Variants in BTN1A1 observed in about 807,000 individuals in gnomAD.
The protein encoded by BTN1A1 is bK14H9.2 (butyrophilin, subfamily 1, member A1).
In BTN1A1, 26 loss-of-function variants were observed where a neutral mutation model predicts 33.1. The ratio of observed to expected loss-of-function variants is 0.79; its 90% CI spans 0.58 to 1.09. The LOEUF is 1.09. BTN1A1 is among the 50% of genes least tolerant of loss of function. The probability of loss-of-function intolerance (pLI) is 0.00; values close to 1 mark genes in which losing one functional copy is unlikely to be tolerated. For missense variants in BTN1A1, 558 were observed against 655.7 expected, an observed-to-expected ratio of 0.85 and a Z score of 1.63; for synonymous variants, 235 against 256.2, an observed-to-expected ratio of 0.92 and a Z score of 0.79.
At chr6:26,507,352 G>C (rs1048966315) in intron 5 of BTN1A1, among the ~76,000 whole-genome samples, 3 of 152,172 alleles carry the variant, frequency 2.0e-5, no homozygotes, top group African/African-American at 7.2e-5. Context: ...CAAGATATCA[G>C]GGCTGATGTT....
In BTN1A1 at chr6:26,505,136, G is replaced by GA; in HGVS notation, c.644dup (p.Asn215LysfsTer68). The stretch of plus-strand genomic sequence containing the variant: ...CAGTGATCATCAGAGACACTTCTGC[G>GA]AAAAATGTGTCCTGCTACATCCAGA... On this transcript the variant is annotated frameshift_variant, in exon 4 of 8. Coordinates refer to ENST00000684113, the MANE Select transcript of BTN1A1 (RefSeq NM_001732.3). LOFTEE classifies it high-confidence loss of function. The GA allele has an allele frequency of 6.2e-7, 1 of 1,612,730 alleles. No homozygotes were observed. The highest frequency in any genetic ancestry group is 1.1e-5 in the South Asian group (1 of 90,824).
Position 26,501,290 on chromosome 6 carries a change from G to A in BTN1A1, c.4G>A (p.Ala2Thr), listed in dbSNP as rs771108444. The change falls in exon 2 of 8, where the codon GCA (alanine) becomes ACA (threonine). Residue 2 changes from alanine to threonine, a missense_variant. By Grantham distance (58) the Ala-to-Thr change is moderately conservative. Transcript: ENST00000684113. This position sits in a 1 kb window ranked among gnomAD's most constrained non-coding sequence, Gnocchi z 5.2. The part of the protein sequence containing the change: M[A>T]VFPSSGLPRC... ...TGCTGCTCCAGAAGGGTGGGAGATG[G>A]CAGTTTTCCCAAGCTCCGGTCTCCC... The A allele has an allele frequency of 1.2e-6, 2 of 1,613,954 alleles. No homozygotes were observed. The highest frequency in any genetic ancestry group is 1.7e-5 in the Admixed American group (1 of 60,010).
chr6:26,501,462 A>G lies in BTN1A1; in HGVS notation c.79+97A>G. The G allele has an allele frequency of 7.6e-6, 12 of 1,570,352 alleles. No individual in the cohort carries two copies. The highest frequency in any genetic ancestry group is 1.0e-5 in the Non-Finnish European group (12 of 1,142,942). On this transcript the variant is annotated intron_variant, in intron 2 of 7. Transcript: ENST00000684113. This position sits in a 1 kb window ranked among gnomAD's most constrained non-coding sequence, Gnocchi z 5.2. The stretch of plus-strand genomic sequence containing the variant: ...GGCTCTCCCTGGAGACCTCCACTGG[A>G]TCCAGACAAACTCAGCTGTCAAAGG...
Position 26,509,087 on chromosome 6 carries a change from C to A in BTN1A1, c.1494C>A (p.Ser498=). 1 of 1,614,052 alleles carries A rather than the reference C, an allele frequency of 6.2e-7. No homozygotes were observed. The highest frequency in any genetic ancestry group is 8.5e-7 in the Non-Finnish European group (1 of 1,179,944). Residue 498 remains serine (S), a synonymous_variant, in exon 8 of 8, where the codon TCC becomes TCA. Coordinates refer to ENST00000684113, the MANE Select transcript of BTN1A1 (RefSeq NM_001732.3). ...ACCTTTCTAAGGAGATCCCATTGTCCCCCATGGGGGAGGACTCTGCCCCTA... is the reference window on the plus strand; with the variant it reads ...ACCTTTCTAAGGAGATCCCATTGTCACCCATGGGGGAGGACTCTGCCCCTA... ...AQDLSKEIPL[S]PMGEDSAPRD... is the part of the protein sequence containing the mutation.
rs894792783 is a variant in BTN1A1, at chr6:26,501,758, A to T, written c.248A>T (p.Gln83Leu). The change falls in exon 3 of 8, where the codon CAG becomes CTG. Residue 83 changes from glutamine (Q) to leucine (L), a missense_variant. Coordinates refer to ENST00000684113, the MANE Select transcript of BTN1A1 (RefSeq NM_001732.3). The surrounding 1 kb of genome is among the most constrained non-coding windows in gnomAD (Gnocchi z 5.2). ...AVLVHRDGRE[Q>L]EAEQMPEYRG... ...CTGGTGCATAGGGACGGGCGCGAGC[A>T]GGAAGCCGAGCAGATGCCCGAGTAC... The T allele has an allele frequency of 6.2e-7, 1 of 1,613,732 alleles. No homozygotes were observed. Among genetic ancestry groups the T allele is most frequent in the Non-Finnish European group, 8.5e-7 (1 of 1,179,958 alleles).
chr6:26,510,307 G>A lies in BTN1A1; in HGVS notation c.*1133G>A, dbSNP rs1763925569. ...CTGAGCACTTTCCTTTACACATGTG[G>A]CTTGTCTTGCCAATAGACTCCAGGC... On this transcript the variant is annotated 3_prime_UTR_variant, in exon 8 of 8. Transcript: ENST00000684113. 1 of 152,322 alleles carries A rather than the reference G, an allele frequency of 6.6e-6. No individual in the cohort carries two copies. Among genetic ancestry groups the A allele is most frequent in the Non-Finnish European group, 1.5e-5 (1 of 68,100 alleles). The allele number at this position is 152,322 out of a possible 1,614,324, so 9.4% of individuals were successfully genotyped here. A position where few individuals can be genotyped will look rare whatever the true frequency, so the allele number is the denominator to read the frequency against.
intron 3 of BTN1A1, among the ~76,000 whole-genome samples, chr6:26,503,750 C>G (rs865939556): frequency 1.6e-4 from 25 of 151,574 alleles, no homozygotes; most frequent in South Asian, 1.2e-3. Context: ...ACAACAGGGT[C>G]CCCCAGTTGC....
At chr6:26,505,235 T>C in intron 4 of BTN1A1, 29 bp downstream of exon 4, 1 of 1,598,970 alleles carries the variant, frequency 6.3e-7, no homozygotes, top group Non-Finnish European at 8.6e-7. Flanking sequence ...GCTGGATTCC[T>C]ATGTTGACAC....
At chr6:26,505,271 C>T (rs1454137409) in intron 4 of BTN1A1, 65 bp downstream of exon 4, 44 of 1,498,200 alleles carry the variant, frequency 2.9e-5, no homozygotes, top group Admixed American at 8.6e-5. Context: ...CCACCTGGGA[C>T]ACCTGCCCAG....
chr6:26,501,630 C>G lies in BTN1A1; in HGVS notation c.120C>G (p.Ala40=). 6.2e-7 allele frequency: 1 copy of G among 1,613,924 alleles called. No individual in the cohort carries two copies. The highest frequency in any genetic ancestry group is 8.5e-7 in the Non-Finnish European group (1 of 1,179,980). ...TTGGACCCCCGGAGCCCATCCTGGC[C>G]GTTGTGGGTGAGGACGCCGAGCTGC... ...DVIGPPEPIL[A]VVGEDAELPC... The change falls in exon 3 of 8, where the codon GCC becomes GCG. Residue 40 remains alanine, a synonymous_variant. Transcript: ENST00000684113. This position sits in a 1 kb window ranked among gnomAD's most constrained non-coding sequence, Gnocchi z 5.2.
intron 3 of BTN1A1, 31 bp from the exon 4 acceptor site, chr6:26,504,894 A>G: frequency 6.2e-7 from 1 of 1,603,764 alleles, no homozygotes; most frequent in Non-Finnish European, 8.5e-7. Context: ...GGGGTCCGCT[A>G]AAACATTAAG....
rs1763805253 is a variant in BTN1A1, at chr6:26,501,873, G to A, written c.363G>A (p.Glu121=). Residue 121 remains glutamate, a synonymous_variant, in exon 3 of 8, where the codon GAG becomes GAA. Transcript: ENST00000684113. The surrounding 1 kb of genome is among the most constrained non-coding windows in gnomAD (Gnocchi z 5.2). ...GCGTCAGAGTCTCTGACGACGGGGAGTACACGTGCTTTTTCAGGGAGGATG... is the reference window on the plus strand; with the variant it reads ...GCGTCAGAGTCTCTGACGACGGGGAATACACGTGCTTTTTCAGGGAGGATG... ...IRGVRVSDDG[E]YTCFFREDGS... 1 of 1,605,956 alleles carries A rather than the reference G, an allele frequency of 6.2e-7. No individual in the cohort carries two copies. The highest frequency in any genetic ancestry group is 1.3e-5 in the African/African-American group (1 of 74,724).
rs903580105 is a variant in BTN1A1, at chr6:26,502,164, G to C, written c.427+227G>C. On this transcript the variant is annotated intron_variant, in intron 3 of 7. Transcript: ENST00000684113. ...TTTTAAAAGTATGAAAATACTTTTCGAGGAGGCAAAAGGCAGGATCAGCAA... is the reference window on the plus strand; with the variant it reads ...TTTTAAAAGTATGAAAATACTTTTCCAGGAGGCAAAAGGCAGGATCAGCAA... Among the ~76,000 whole-genome samples, 23 of 152,270 alleles carry C rather than the reference G, an allele frequency of 1.5e-4. 1 individual carries two copies. The Middle Eastern group carries it at 0.01, about 68-fold the overall frequency.
intron 7 of BTN1A1, 44 bp downstream of exon 7, chr6:26,508,131 C>T: frequency 6.4e-7 from 1 of 1,562,424 alleles, no homozygotes; most frequent in Non-Finnish European, 8.6e-7. Context: ...GCTCTATCCC[C>T]TAGGAATTCA....
rs1293680726 is a variant in BTN1A1 at position 26,509,959 on chromosome 6, A to C, written c.*785A>C. The C allele has an allele frequency of 6.6e-6, 1 of 152,258 alleles. No individual in the cohort carries two copies. Among genetic ancestry groups the C allele is most frequent in the African/African-American group, 2.4e-5 (1 of 41,426 alleles). 9.4% of individuals were successfully genotyped at this position (152,258 alleles called of 1,614,324 possible). On this transcript the variant is annotated 3_prime_UTR_variant, in exon 8 of 8. Coordinates refer to ENST00000684113, the MANE Select transcript of BTN1A1 (RefSeq NM_001732.3). ...TTGCCTGGAAGTCATTCCACCCTCA[A>C]TTTGTTGATCCACAAGTTTCCAGTT... is the stretch of plus-strand genomic sequence containing the variant.
intron 5 of BTN1A1, 108 bp from the exon 6 acceptor site, chr6:26,507,842 T>C: frequency 8.9e-7 from 1 of 1,122,316 alleles, no homozygotes; most frequent in Non-Finnish European, 1.3e-6. Flanking sequence ...AATATTCAAA[T>C]AGTCATGAAT....
In BTN1A1 at chr6:26,505,149, T is replaced by C. The variant is rs1763853134; in HGVS notation, c.652T>C (p.Cys218Arg). The C allele has an allele frequency of 6.2e-7, 1 of 1,613,988 alleles. No homozygotes were observed. The change falls in exon 4 of 8, where the codon TGC becomes CGC. Residue 218 changes from cysteine (C) to arginine (R), a missense_variant. By Grantham distance (180) the Cys-to-Arg change is radical. Transcript: ENST00000684113. ...IRDTSAKNVS[C>R]YIQNLLLGQE... ...AGACACTTCTGCGAAAAATGTGTCC[T>C]GCTACATCCAGAATCTCCTTCTTGG...
chr6:26,508,570 G>A lies in BTN1A1; in HGVS notation c.977G>A (p.Arg326Gln), dbSNP rs748609018. 6.8e-6 allele frequency: 11 copies of A among 1,614,032 alleles called. No individual in the cohort carries two copies. Among genetic ancestry groups the A allele is most frequent in the East Asian group, 2.2e-5 (1 of 44,892 alleles). ...LFLYEDSKSV[R>Q]LEDSRQKLPE... The stretch of plus-strand genomic sequence containing the variant: ...CTTTATGAGGATTCAAAATCTGTTC[G>A]ACTGGAAGATTCACGTCAGAAACTG... The change falls in exon 8 of 8, where the codon CGA (arginine) becomes CAA (glutamine). Residue 326 changes from arginine to glutamine, a missense_variant. Coordinates refer to ENST00000684113, the MANE Select transcript of BTN1A1 (RefSeq NM_001732.3).
rs1763912421 is a variant in BTN1A1, at chr6:26,509,142, A to G, written c.1549A>G (p.Ile517Val). 6.2e-7 allele frequency: 1 copy of G among 1,613,054 alleles called. No homozygotes were observed. Among genetic ancestry groups the G allele is most frequent in the South Asian group, 1.1e-5 (1 of 90,978 alleles). The part of the protein sequence containing the change: ...RDADTLHSKL[I>V]PTQPSQGAP Reference sequence around the variant, plus strand: ...TGCAGACACTCTCCATTCTAAGCTAATCCCTACCCAACCCAGCCAAGGGGC... The same window carrying G: ...TGCAGACACTCTCCATTCTAAGCTAGTCCCTACCCAACCCAGCCAAGGGGC... Residue 517 changes from isoleucine to valine, a missense_variant, in exon 8 of 8, where the codon ATC (isoleucine) becomes GTC (valine). Physicochemically the swap from Ile to Val is conservative, Grantham distance 29. Coordinates refer to ENST00000684113, the MANE Select transcript of BTN1A1 (RefSeq NM_001732.3).
Sources: gnomAD v4.1 joint callset for allele counts (sites outside exome capture counted in the v4.1 genomes callset) on GRCh38, gnomAD v4.1.1 for gene constraint, Gnocchi (gnomAD v3.1) non-coding constraint, MANE v1.5 for transcripts, NCBI Gene and HGNC (gene_info 2026-07-23, HGNC 2026-07-21) for gene names.